The following DPP10 variants were observed in gnomAD, a reference collection of about 807,000 sequenced individuals.
The protein encoded by DPP10 is inactive dipeptidyl peptidase 10.
Under a neutral mutation model 120.9 loss-of-function variants are expected in DPP10, and 33 were observed. That is an observed-to-expected ratio of 0.27 (90% CI 0.21 to 0.37). The LOEUF is 0.37. Ranked by LOEUF, DPP10 falls within the 10% of genes least tolerant of loss-of-function variation. The pLI, the probability that DPP10 is intolerant of heterozygous loss-of-function variation, is 1.00. For missense variants in DPP10, 816 were observed against 942.8 expected, an observed-to-expected ratio of 0.87 and a Z score of 1.76; for synonymous variants, 337 against 326.1, an observed-to-expected ratio of 1.03 and a Z score of -0.36.
At chr2:115,744,683 T>C (rs1677722644) in intron 9 of DPP10, among the ~76,000 whole-genome samples, 1 of 150,434 alleles carries the variant, frequency 6.6e-6, no homozygotes, top group Non-Finnish European at 1.5e-5. Context: ...TCTTTTGATA[T>C]CCAACAAAAC....
At chr2:115,824,572 T>C (rs1024100892) in intron 21 of DPP10, among the ~76,000 whole-genome samples, 6 of 152,128 alleles carry the variant, frequency 3.9e-5, no homozygotes, top group Non-Finnish European at 8.8e-5. Context: ...ACATGCAGTG[T>C]TTGGTTTTCT....
At chr2:115,156,371 T>A (rs1282220742) in intron 1 of DPP10, among the ~76,000 whole-genome samples, 2 of 152,194 alleles carry the variant, frequency 1.3e-5, no homozygotes, top group African/African-American at 4.8e-5. Context: ...GCTCTAGGGC[T>A]ATTGCACCAG....
chr2:115,295,271 C>T (rs1039283301), intron 1 of DPP10, among the ~76,000 whole-genome samples: 28 of 151,866 alleles, frequency 1.8e-4, no homozygotes, highest in African/African-American at 6.5e-4. Context: ...CCAGAAAAGT[C>T]CTCCTTTAAG....
chr2:114,827,484 G>T (rs1638952925), intron 1 of DPP10, among the ~76,000 whole-genome samples: 1 of 152,030 alleles, frequency 6.6e-6, no homozygotes, highest in Non-Finnish European at 1.5e-5. Flanking sequence ...ATCTAATTAT[G>T]GCCATAAGCC....
chr2:114,766,633 G>A (rs1367251234), intron 1 of DPP10, among the ~76,000 whole-genome samples: 1 of 152,064 alleles, frequency 6.6e-6, no homozygotes, highest in African/African-American at 2.4e-5. Context: ...CAATAACCTG[G>A]ATGGATTGTA....
intron 1 of DPP10, among the ~76,000 whole-genome samples, chr2:115,215,914 C>G (rs2056791841): frequency 6.6e-6 from 1 of 152,064 alleles, no homozygotes; most frequent in East Asian, 1.9e-4. Flanking sequence ...AAATATTGAT[C>G]AAAGGATGAC....
intron 1 of DPP10, among the ~76,000 whole-genome samples, chr2:115,158,112 T>G (rs1279402987): frequency 6.6e-6 from 1 of 152,238 alleles, no homozygotes; most frequent in Non-Finnish European, 1.5e-5. Context: ...TCTTACTTGG[T>G]TGTTTTTAGA....
intron 1 of DPP10, among the ~76,000 whole-genome samples, chr2:114,737,542 G>A (rs1011018723): frequency 5.3e-5 from 8 of 152,224 alleles, no homozygotes; most frequent in African/African-American, 1.9e-4. Flanking sequence ...AGGAAAAACA[G>A]TGGAGAGATT....
At chr2:115,510,090 A>G (rs1198041567) in intron 4 of DPP10, among the ~76,000 whole-genome samples, 2 of 152,138 alleles carry the variant, frequency 1.3e-5, no homozygotes, top group South Asian at 4.1e-4. Flanking sequence ...TTCATATATT[A>G]TAAATCAAAT....
chr2:115,459,921 T>C (rs1001471333), intron 3 of DPP10, among the ~76,000 whole-genome samples: 8 of 33,792 alleles, frequency 2.4e-4, no homozygotes, highest in African/African-American at 3.5e-4. Context: ...GTAAAACATA[T>C]ATTTTATATA....
At chr2:114,984,008 G>A (rs939924168) in intron 1 of DPP10, among the ~76,000 whole-genome samples, 3 of 152,126 alleles carry the variant, frequency 2.0e-5, no homozygotes, top group African/African-American at 7.2e-5. Flanking sequence ...GAAATGGTAT[G>A]GGTGCTTAGA....
At chr2:115,365,581 TC>T (rs1320437007) in intron 3 of DPP10, among the ~76,000 whole-genome samples, 2 of 152,090 alleles carry the variant, frequency 1.3e-5, no homozygotes, top group Non-Finnish European at 2.9e-5. Flanking sequence ...TTTTTTTTTC[TC>T]CTTGGTTTTT....
chr2:114,572,229 G>A (rs1268634171), intron 1 of DPP10, among the ~76,000 whole-genome samples: 3 of 152,000 alleles, frequency 2.0e-5, no homozygotes, highest in Non-Finnish European at 4.4e-5. Flanking sequence ...ACAGTTGGAA[G>A]TAACCAAATT....
At chr2:115,508,219 C>G (rs1036559215) in intron 4 of DPP10, among the ~76,000 whole-genome samples, 3 of 152,046 alleles carry the variant, frequency 2.0e-5, no homozygotes, top group African/African-American at 4.8e-5. Flanking sequence ...GACATGCAAT[C>G]CATTGTCTCT....
At chr2:114,443,699 G>GAAA (rs5833543) in intron 1 of DPP10, among the ~76,000 whole-genome samples, 2 of 138,702 alleles carry the variant, frequency 1.4e-5, no homozygotes, top group African/African-American at 2.6e-5. Flanking sequence ...ACTCTTTTAT[G>GAAA]AAAAAAAAAA....
intron 5 of DPP10, among the ~76,000 whole-genome samples, chr2:115,558,820 G>A (rs1488362621): frequency 2.0e-5 from 3 of 152,152 alleles, no homozygotes; most frequent in African/African-American, 7.2e-5. Flanking sequence ...GGGACTTGTA[G>A]GCATTTGGAG....
intron 1 of DPP10, among the ~76,000 whole-genome samples, chr2:114,567,847 C>T (rs1157960002): frequency 1.3e-5 from 2 of 152,002 alleles, no homozygotes; most frequent in African/African-American, 2.4e-5. Flanking sequence ...ACAACACACA[C>T]TGGGGCCTGT....
intron 5 of DPP10, among the ~76,000 whole-genome samples, chr2:115,576,387 T>C (rs2081656730): frequency 6.6e-6 from 1 of 152,228 alleles, no homozygotes; most frequent in Non-Finnish European, 1.5e-5. Context: ...CAGCAAAGTC[T>C]TAATGAAAAG....
intron 1 of DPP10, among the ~76,000 whole-genome samples, chr2:114,859,166 A>T (rs1252158512): frequency 1.5e-5 from 2 of 136,306 alleles, no homozygotes; most frequent in African/African-American, 5.6e-5. Context: ...GTCTCTACTT[A>T]AAAAAAAAAA....
Sources: allele counts gnomAD v4.1 joint callset (sites outside exome capture counted in the v4.1 genomes callset), GRCh38; gene constraint gnomAD v4.1.1; transcripts MANE v1.5; gene names NCBI Gene and HGNC (gene_info 2026-07-23, HGNC 2026-07-21).